SMYD3: variants seen among roughly 807,000 people sequenced by gnomAD.
The protein encoded by SMYD3 is SET and MYND domain containing 3.
A neutral mutation model predicts 57.7 loss-of-function variants in SMYD3; 36 were observed. The ratio of observed to expected loss-of-function variants is 0.62; its 90% CI spans 0.48 to 0.82. The LOEUF is 0.82. Among genes scored for constraint, SMYD3 ranks in the 40% least tolerant of loss-of-function variants. SMYD3 has a pLI of 0.00. For missense variants in SMYD3, 515 were observed against 538.8 expected, an observed-to-expected ratio of 0.96 and a Z score of 0.44; for synonymous variants, 211 against 195.0, an observed-to-expected ratio of 1.08 and a Z score of -0.68.
intron 5 of SMYD3, among the ~76,000 whole-genome samples, chr1:246,224,976 T>A (rs768140808): frequency 6.6e-6 from 1 of 151,864 alleles, no homozygotes. Flanking sequence ...AATATCCAAG[T>A]GAGGATGAAA....
At chr1:246,201,924 AATC>A (rs1227538308) in intron 5 of SMYD3, among the ~76,000 whole-genome samples, 41 of 151,986 alleles carry the variant, frequency 2.7e-4, no homozygotes, top group African/African-American at 9.9e-4. Flanking sequence ...GAGGCAGGAG[AATC>A]GCTTGCACCC....
At chr1:246,439,106 G>C (rs747500214) in intron 1 of SMYD3, among the ~76,000 whole-genome samples, 55 of 3,108 alleles carry the variant, frequency 0.018, no homozygotes, top group Non-Finnish European at 0.056. Context: ...TGTTATTTTC[G>C]GGGGGGGGGG....
At chr1:245,846,512 T>G (rs1471203523) in intron 10 of SMYD3, among the ~76,000 whole-genome samples, 5 of 152,206 alleles carry the variant, frequency 3.3e-5, no homozygotes, top group African/African-American at 1.2e-4. Context: ...TAAAAAATTA[T>G]AGCCAAAATA....
intron 8 of SMYD3, among the ~76,000 whole-genome samples, chr1:245,885,422 G>A (rs4654063): frequency 0.096 from 14,567 of 152,156 alleles, 795 homozygotes; most frequent in South Asian, 0.19. Flanking sequence ...CTTCCAGCTT[G>A]CTTGTCTATG....
chr1:246,399,188 G>A (rs7548956), intron 1 of SMYD3, among the ~76,000 whole-genome samples: 150,866 of 151,950 alleles, frequency 0.99, 74,905 homozygotes, highest in East Asian at 1. Context: ...CGCCCAGCTA[G>A]TTTTTTTGTA....
intron 10 of SMYD3, among the ~76,000 whole-genome samples, chr1:245,820,811 T>C (rs1164824443): frequency 1.3e-5 from 2 of 150,524 alleles, no homozygotes; most frequent in Non-Finnish European, 3.0e-5. Flanking sequence ...TCAAAGAGAA[T>C]AAAATACCTA....
intron 5 of SMYD3, among the ~76,000 whole-genome samples, chr1:245,963,401 A>G (rs2058060189): frequency 6.6e-6 from 1 of 152,320 alleles, no homozygotes; most frequent in East Asian, 1.9e-4. Context: ...AGAAACCTCC[A>G]TGGAAATCAG....
At chr1:246,289,142 G>C (rs1475488085) in intron 5 of SMYD3, among the ~76,000 whole-genome samples, 1 of 152,044 alleles carries the variant, frequency 6.6e-6, no homozygotes, top group African/African-American at 2.4e-5. Context: ...CTTAAAAAGC[G>C]ATTGTTAATT....
At chr1:246,011,302 T>G (rs10924446) in intron 5 of SMYD3, among the ~76,000 whole-genome samples, 9,874 of 152,250 alleles carry the variant, frequency 0.065, 699 homozygotes, top group African/African-American at 0.17. Flanking sequence ...TTTCTTTTAC[T>G]ATTCTGCCTG....
At chr1:246,228,832 T>C (rs2063369151) in intron 5 of SMYD3, among the ~76,000 whole-genome samples, 1 of 152,122 alleles carries the variant, frequency 6.6e-6, no homozygotes, top group South Asian at 2.1e-4. Flanking sequence ...TTTTTTAGTA[T>C]GTATATTATT....
chr1:246,403,629 G>A (rs578179834), intron 1 of SMYD3, among the ~76,000 whole-genome samples: 1 of 152,312 alleles, frequency 6.6e-6, no homozygotes, highest in East Asian at 1.9e-4. Context: ...TCAGTGGTAA[G>A]AACATTTAAC....
rs1300571926 is a variant in SMYD3 at position 246,169,398 on chromosome 1, A to AC, written c.531+157802_531+157803insG. On this transcript the variant is annotated intron_variant, in intron 5 of 11. Coordinates refer to ENST00000490107, the MANE Select transcript of SMYD3 (RefSeq NM_001167740.2). ...CTTTCTTTCAAAAAAAAAAAAAAAA[A>AC]AAAAAACCTCTAACAATATATGTGA... 1.6e-3 allele frequency among the ~76,000 whole-genome samples: 244 copies of AC among 151,062 alleles called. 3 individuals carry two copies. The highest frequency in any genetic ancestry group is 5.5e-3 in the African/African-American group (227 of 41,142).
At chr1:246,091,114 G>A (rs2060816258) in intron 5 of SMYD3, among the ~76,000 whole-genome samples, 1 of 152,182 alleles carries the variant, frequency 6.6e-6, no homozygotes, top group South Asian at 2.1e-4. Context: ...CACGGCTGCT[G>A]TTCAAAGACT....
At chr1:246,147,741 G>A (rs1286408927) in intron 5 of SMYD3, among the ~76,000 whole-genome samples, 1 of 152,028 alleles carries the variant, frequency 6.6e-6, no homozygotes, top group African/African-American at 2.4e-5. Flanking sequence ...CCAGGGTAGA[G>A]CTGCAGCCTC....
At chr1:245,969,652 A>C (rs889733442) in intron 5 of SMYD3, among the ~76,000 whole-genome samples, 2 of 152,248 alleles carry the variant, frequency 1.3e-5, no homozygotes, top group African/African-American at 4.8e-5. Flanking sequence ...CCTCTGCTGA[A>C]GATAAATGGT....
At chr1:246,315,216 A>C (rs1304696115) in intron 5 of SMYD3, among the ~76,000 whole-genome samples, 2 of 152,246 alleles carry the variant, frequency 1.3e-5, no homozygotes, top group Non-Finnish European at 2.9e-5. Context: ...ATGGGGACAC[A>C]TGACCTATTT....
At chr1:246,018,895 T>C (rs1006723118) in intron 5 of SMYD3, among the ~76,000 whole-genome samples, 1 of 152,104 alleles carries the variant, frequency 6.6e-6, no homozygotes, top group Non-Finnish European at 1.5e-5. Flanking sequence ...TGAGCCACCA[T>C]GCCCAGCAGA....
intron 5 of SMYD3, among the ~76,000 whole-genome samples, chr1:246,087,975 G>GA (rs1281401452): frequency 6.6e-6 from 1 of 151,808 alleles, no homozygotes; most frequent in African/African-American, 2.4e-5. Context: ...AGCTTTTATT[G>GA]AAAAAACATA....
At chr1:246,350,830 C>T (rs753018550) in intron 2 of SMYD3, among the ~76,000 whole-genome samples, 6 of 152,164 alleles carry the variant, frequency 3.9e-5, no homozygotes, top group East Asian at 1.9e-4. Context: ...GAAAAACTTC[C>T]GGCTCCAGAC....
Sources: allele counts gnomAD v4.1 joint callset (sites outside exome capture counted in the v4.1 genomes callset), GRCh38; gene constraint gnomAD v4.1.1; transcripts MANE v1.5; gene names NCBI Gene and HGNC (gene_info 2026-07-23, HGNC 2026-07-21).